The following MRAP variants were observed in gnomAD, a reference collection of about 807,000 sequenced individuals.
MRAP encodes melanocortin 2 receptor accessory protein, also known as melanocortin-2 receptor accessory protein.
A neutral mutation model predicts 8.7 loss-of-function variants in MRAP; 8 were observed. That is an observed-to-expected ratio of 0.92 (90% CI 0.54 to 1.66). The LOEUF is 1.66. Ranked by LOEUF, MRAP falls within the 40% of genes most tolerant of loss-of-function variation. The probability of loss-of-function intolerance (pLI) is 0.00; values close to 1 mark genes in which losing one functional copy is unlikely to be tolerated. For missense variants in MRAP, 237 were observed against 217.1 expected, an observed-to-expected ratio of 1.09 and a Z score of -0.58; for synonymous variants, 95 against 95.5, an observed-to-expected ratio of 1.00 and a Z score of 0.03.
intron 2 of MRAP, among the ~76,000 whole-genome samples, chr21:32,307,235 A>T (rs2032442153): frequency 6.6e-6 from 1 of 152,030 alleles, no homozygotes; most frequent in Non-Finnish European, 1.5e-5. Context: ...GAGAGCGGGG[A>T]AGGGGGAATG....
At chr21:32,301,852 C>T (rs549339206) in intron 1 of MRAP, among the ~76,000 whole-genome samples, 6 of 152,134 alleles carry the variant, frequency 3.9e-5, no homozygotes, top group African/African-American at 7.2e-5. Flanking sequence ...GAGCACAGGA[C>T]GCAAGAGAAC....
At chr21:32,299,527 T>C (rs1483243710) in intron 1 of MRAP, among the ~76,000 whole-genome samples, 3 of 151,946 alleles carry the variant, frequency 2.0e-5, no homozygotes, top group African/African-American at 7.3e-5. Flanking sequence ...TATAGAGACA[T>C]GTTATATTGC....
chr21:32,297,535 C>G (rs370506828), upstream of MRAP, among the ~76,000 whole-genome samples: 4 of 152,194 alleles, frequency 2.6e-5, no homozygotes, highest in African/African-American at 9.7e-5. Context: ...CCATGTGTCT[C>G]TTCCACGTGG....
chr21:32,294,711 A>G (rs1335968892), upstream of MRAP, among the ~76,000 whole-genome samples: 2 of 152,178 alleles, frequency 1.3e-5, no homozygotes, highest in African/African-American at 4.8e-5. Flanking sequence ...TAATTTATCA[A>G]TATGTCCATT....
chr21:32,309,464 T>G (rs1210293906), intron 2 of MRAP, among the ~76,000 whole-genome samples: 1 of 148,624 alleles, frequency 6.7e-6, no homozygotes, highest in Non-Finnish European at 1.5e-5. Context: ...TTTTTTTTTG[T>G]TTTTGAGACA....
At chr21:32,302,417 A>C (rs547138374) in intron 1 of MRAP, among the ~76,000 whole-genome samples, 1 of 152,224 alleles carries the variant, frequency 6.6e-6, no homozygotes, top group Non-Finnish European at 1.5e-5. Context: ...TGGTAGAGAG[A>C]GGATGATTAT....
intron 2 of MRAP, chr21:32,293,157 A>C (rs1201857334): frequency 6.6e-6 from 1 of 152,268 alleles, no homozygotes; most frequent in Non-Finnish European, 1.5e-5. Flanking sequence ...AAAGCAGGGG[A>C]GGACGGCAGT....
At chr21:32,313,979 T>C (rs74935510), downstream of MRAP, 1,591 of 153,742 alleles carry the variant, frequency 0.01, 37 homozygotes, top group East Asian at 0.088. Flanking sequence ...TTAACAAGCA[T>C]TTATAAAATT....
chr21:32,306,001 A>G lies in MRAP; in HGVS notation c.107-639A>G, dbSNP rs999834340. Among the ~76,000 whole-genome samples the G allele has an allele frequency of 3.3e-5, 5 of 152,152 alleles. No homozygotes were observed. In the South Asian group the frequency reaches 1.0e-3, roughly 32 times the overall value. On this transcript the variant is annotated intron_variant, in intron 1 of 2. Transcript: ENST00000303645. ...CCACAAATACAGCCATCATGCTGGT[A>G]GCAAAAGTGCTTTTTCCTTCCTGCC...
chr21:32,312,348 C>T, downstream of MRAP: 1 of 1,206,738 alleles, frequency 8.3e-7, no homozygotes, highest in Non-Finnish European at 1.0e-6. Flanking sequence ...AATGCGTTAT[C>T]AGCCCTGAGT....
chr21:32,299,719 T>G (rs989551246), intron 1 of MRAP, among the ~76,000 whole-genome samples: 4 of 152,214 alleles, frequency 2.6e-5, no homozygotes, highest in African/African-American at 9.6e-5. Flanking sequence ...AGATTTGCCT[T>G]TTCCACTGTC....
intron 1 of MRAP, among the ~76,000 whole-genome samples, chr21:32,303,987 T>C (rs2833758): frequency 6.6e-6 from 1 of 152,062 alleles, no homozygotes; most frequent in African/African-American, 2.4e-5. Flanking sequence ...TTGCTCAATA[T>C]CTGGGGATGA....
At chr21:32,304,965 G>GTTT (rs537525538) in intron 1 of MRAP, among the ~76,000 whole-genome samples, 995 of 77,970 alleles carry the variant, frequency 0.013, 23 homozygotes, top group African/African-American at 0.022. Context: ...TTTTTTTGTT[G>GTTT]TTTTTTTTTT....
chr21:32,295,290 T>G (rs1382111122), upstream of MRAP, among the ~76,000 whole-genome samples: 3 of 152,188 alleles, frequency 2.0e-5, no homozygotes, highest in African/African-American at 7.2e-5. Context: ...AGTGCACAAC[T>G]GGGCCTTTTG....
Position 32,298,918 on chromosome 21 carries a change from C to G in MRAP, c.-54C>G, listed in dbSNP as rs967000734. On this transcript the variant is annotated 5_prime_UTR_variant, in exon 1 of 3. Coordinates refer to ENST00000303645, the MANE Select transcript of MRAP (RefSeq NM_001379228.1). ...GCAGTCTCCTCCCAGGGGCTTGGCG[C>G]CTGGCTCGAGGCGAGGCTGCCGGCC... 154 of 1,335,200 alleles carry G rather than the reference C, an allele frequency of 1.2e-4. No individual in the cohort carries two copies. The highest frequency in any genetic ancestry group is 1.5e-4 in the Non-Finnish European group (142 of 930,688). The allele number at this position is 1,335,200 out of a possible 1,614,324, so 82.7% of individuals were successfully genotyped here.
downstream of MRAP, chr21:32,312,917 T>A (rs1016937371): frequency 6.6e-6 from 1 of 152,212 alleles, no homozygotes; most frequent in Non-Finnish European, 1.5e-5. Context: ...GTTCGATCTA[T>A]TCTCCATGGG....
chr21:32,294,919 C>A (rs529647523), upstream of MRAP, among the ~76,000 whole-genome samples: 1 of 151,896 alleles, frequency 6.6e-6, no homozygotes, highest in Admixed American at 6.6e-5. Flanking sequence ...TAATTTTATT[C>A]CTATGTGTTT....
chr21:32,300,559 CAG>C (rs1264284902), intron 1 of MRAP, among the ~76,000 whole-genome samples: 6 of 147,914 alleles, frequency 4.1e-5, no homozygotes, highest in African/African-American at 1.3e-4. Flanking sequence ...TGTCCTATGT[CAG>C]ATGTTTCACA....
upstream of MRAP, among the ~76,000 whole-genome samples, chr21:32,296,855 G>A (rs537522715): frequency 4.6e-5 from 7 of 152,190 alleles, no homozygotes; most frequent in Non-Finnish European, 8.8e-5. Flanking sequence ...CATGAGGCAG[G>A]GAGTGGTGAG....
Sources: allele counts gnomAD v4.1 joint callset (sites outside exome capture counted in the v4.1 genomes callset), GRCh38; gene constraint gnomAD v4.1.1; transcripts MANE v1.5; gene names NCBI Gene and HGNC (gene_info 2026-07-23, HGNC 2026-07-21).